LEPR: variants seen among roughly 807,000 people sequenced by gnomAD.
The protein encoded by LEPR is leptin receptor.
LEPR carries 56 observed loss-of-function variants against 114.7 expected under a neutral mutation model. The ratio of observed to expected loss-of-function variants is 0.49; its 90% CI spans 0.39 to 0.61. LEPR has a LOEUF of 0.61. LEPR is among the 20% of genes least tolerant of loss of function. The pLI, the probability that LEPR is intolerant of heterozygous loss-of-function variation, is 0.00. For missense variants in LEPR, 1,202 were observed against 1,352.9 expected (o/e 0.89, Z 1.75); for synonymous variants, 443 against 461.4 (o/e 0.96, Z 0.51).
intron 2 of LEPR, among the ~76,000 whole-genome samples, chr1:65,489,652 C>T (rs1166508323): frequency 1.3e-5 from 2 of 152,072 alleles, no homozygotes; most frequent in Non-Finnish European, 2.9e-5. Context: ...ACTTTGGTTG[C>T]CTGATCTTTT....
At chr1:65,474,353 T>A (rs547110214) in intron 2 of LEPR, among the ~76,000 whole-genome samples, 1 of 152,336 alleles carries the variant, frequency 6.6e-6, no homozygotes, top group East Asian at 1.9e-4. Context: ...TTCATACTTT[T>A]AAAACTGAGC....
intron 10 of LEPR, 32 bp downstream of exon 10, chr1:65,601,992 G>C: frequency 6.4e-7 from 1 of 1,555,294 alleles, no homozygotes; most frequent in South Asian, 1.1e-5. Flanking sequence ...TTGTTTTTCT[G>C]TGGGCACAGT....
At chr1:65,607,262 T>C (rs966097624) in intron 11 of LEPR, among the ~76,000 whole-genome samples, 3 of 152,218 alleles carry the variant, frequency 2.0e-5, no homozygotes, top group African/African-American at 7.2e-5. Flanking sequence ...CTTCCCTTTT[T>C]GCTACTGCAG....
intron 2 of LEPR, among the ~76,000 whole-genome samples, chr1:65,467,220 G>T (rs534155445): frequency 6.6e-6 from 1 of 152,248 alleles, no homozygotes; most frequent in African/African-American, 2.4e-5. Context: ...TTTTGGTGTA[G>T]CTGTCCTTTT....
intron 16 of LEPR, 73 bp downstream of exon 16, chr1:65,618,219 A>AATC: frequency 7.1e-7 from 1 of 1,413,016 alleles, no homozygotes; most frequent in Non-Finnish European, 9.7e-7. Flanking sequence ...TTCTATTAAT[A>AATC]TAGCCAGTTA....
chr1:65,568,526 G>GTT (rs1653931978), intron 3 of LEPR, among the ~76,000 whole-genome samples: 1 of 146,040 alleles, frequency 6.8e-6, no homozygotes, highest in Non-Finnish European at 1.5e-5. Flanking sequence ...GTGTGTGTGT[G>GTT]CATGTGCATG....
intron 6 of LEPR, 90 bp from the exon 7 acceptor site, chr1:65,596,358 T>C: frequency 6.7e-7 from 1 of 1,500,648 alleles, no homozygotes; most frequent in Non-Finnish European, 9.2e-7. Flanking sequence ...AGGCAAGATA[T>C]GATGAAAATT....
intron 5 of LEPR, among the ~76,000 whole-genome samples, chr1:65,582,587 G>A (rs571244533): frequency 2.6e-5 from 4 of 152,322 alleles, no homozygotes; most frequent in African/African-American, 9.6e-5. Flanking sequence ...AGAAGCAGGT[G>A]GAGTTTCTCT....
chr1:65,571,378 C>CT (rs796206761), intron 4 of LEPR, among the ~76,000 whole-genome samples: 119 of 150,990 alleles, frequency 7.9e-4, no homozygotes, highest in African/African-American at 2.6e-3. Flanking sequence ...GAAAAAAATT[C>CT]TTTTTTTTTG....
intron 2 of LEPR, among the ~76,000 whole-genome samples, chr1:65,477,261 A>G (rs1399848888): frequency 6.6e-6 from 1 of 152,172 alleles, no homozygotes; most frequent in Non-Finnish European, 1.5e-5. Context: ...TCCTCAGAGT[A>G]ACTTATCTCC....
intron 2 of LEPR, among the ~76,000 whole-genome samples, chr1:65,507,034 T>G (rs950258632): frequency 6.6e-6 from 1 of 152,084 alleles, no homozygotes; most frequent in Non-Finnish European, 1.5e-5. Flanking sequence ...AGTGGGGTAT[T>G]TGTCTAGCCA....
At chr1:65,634,533 T>C (rs1447305132) in intron 19 of LEPR, 1 of 938,946 alleles carries the variant, frequency 1.1e-6, no homozygotes, top group Non-Finnish European at 1.3e-6. Flanking sequence ...TTCAATAGTA[T>C]ATGAGTATGA....
At chr1:65,441,674 G>T (rs780390109) in intron 2 of LEPR, among the ~76,000 whole-genome samples, 2 of 152,150 alleles carry the variant, frequency 1.3e-5, no homozygotes, top group African/African-American at 2.4e-5. Flanking sequence ...TCAGAATGAC[G>T]AAGGGGAAGT....
chr1:65,590,452 A>T (rs549334581), intron 5 of LEPR, among the ~76,000 whole-genome samples: 1 of 151,352 alleles, frequency 6.6e-6, no homozygotes, highest in South Asian at 2.1e-4. Context: ...GGAGGTAATC[A>T]TGGGGGTGGT....
At chr1:65,617,772 C>T (rs561269657) in intron 15 of LEPR, among the ~76,000 whole-genome samples, 192 bp from the exon 16 acceptor site, 1 of 152,234 alleles carries the variant, frequency 6.6e-6, no homozygotes, top group South Asian at 2.1e-4. Context: ...TCTTCAATGT[C>T]ATCTATTCCC....
chr1:65,626,353 GTTC>G lies in LEPR; in HGVS notation c.2673+3375_2673+3377del, dbSNP rs2101025273. 9 of 1,258,328 alleles carry G rather than the reference GTTC, an allele frequency of 7.2e-6. No individual in the cohort carries two copies. In the East Asian group the frequency reaches 1.8e-4, roughly 25 times the overall value. 77.9% of individuals were successfully genotyped at this position (1,258,328 alleles called of 1,614,324 possible). A position where few individuals can be genotyped will look rare whatever the true frequency, so the allele number is the denominator to read the frequency against. ...TTTTTATAATACAGTGGGTGTGAAT[GTTC>G]TTATTTGTAGGACTGATTTTTTAAA... On this transcript the variant is annotated intron_variant, in intron 19 of 19. Transcript: ENST00000349533.
At chr1:65,541,262 A>G (rs1448254624) in intron 2 of LEPR, among the ~76,000 whole-genome samples, 2 of 152,176 alleles carry the variant, frequency 1.3e-5, no homozygotes, top group Non-Finnish European at 2.9e-5. Flanking sequence ...GGTAGCTTGC[A>G]TTTTATTGAA....
At chr1:65,519,751 C>G (rs371949445) in intron 2 of LEPR, among the ~76,000 whole-genome samples, 1 of 152,040 alleles carries the variant, frequency 6.6e-6, no homozygotes, top group Non-Finnish European at 1.5e-5. Context: ...CTCACTGCAG[C>G]CTTGACTTTT....
chr1:65,616,102 A>G lies in LEPR; in HGVS notation c.2090A>G (p.Asn697Ser), dbSNP rs767151557. 6.2e-7 allele frequency: 1 copy of G among 1,614,074 alleles called. No homozygotes were observed. The highest frequency in any genetic ancestry group is 8.5e-7 in the Non-Finnish European group (1 of 1,180,026). Residue 697 changes from asparagine (N) to serine (S), a missense_variant, in exon 15 of 20, where the codon AAT becomes AGT. Asn to Ser is a conservative substitution (Grantham distance 46). Transcript: ENST00000349533. ...CNGTWSEDVG[N>S]HTKFTFLWTE... ...GGAACATGGTCAGAAGATGTGGGAA[A>G]TCACACGAAATTCACTTTCCTGTGG...
Sources: gnomAD v4.1 joint callset for allele counts (sites outside exome capture counted in the v4.1 genomes callset) on GRCh38, gnomAD v4.1.1 for gene constraint, MANE v1.5 for transcripts, NCBI Gene and HGNC (gene_info 2026-07-23, HGNC 2026-07-21) for gene names.